The following TNRC18 variants were observed in gnomAD, a reference collection of about 807,000 sequenced individuals.
TNRC18 encodes trinucleotide repeat-containing gene 18 protein.
A neutral mutation model predicts 226.7 loss-of-function variants in TNRC18; 69 were observed. The ratio of observed to expected loss-of-function variants is 0.30; its 90% CI spans 0.25 to 0.37. TNRC18 has a LOEUF of 0.37. TNRC18 is among the 10% of genes least tolerant of loss of function. The pLI is 1.00. For missense variants in TNRC18, 4,754 were observed against 4,256.6 expected (o/e 1.12, Z -3.25); for synonymous variants, 2,449 against 1,927.6 (o/e 1.27, Z -7.09).
At chr7:5,327,275 G>A (rs1374342700) in intron 19 of TNRC18, among the ~76,000 whole-genome samples, 5 of 152,118 alleles carry the variant, frequency 3.3e-5, no homozygotes, top group Non-Finnish European at 7.4e-5. Context: ...AAAGCAGAGA[G>A]CATTAAAAGA....
Position 5,355,850 on chromosome 7 carries a change from C to G in TNRC18, c.5194+1066G>C, listed in dbSNP as rs187915644. On this transcript the variant is annotated intron_variant, in intron 16 of 29. Coordinates refer to ENST00000430969, the MANE Select transcript of TNRC18 (RefSeq NM_001080495.3). ...TTATGATGGCCCCACTGCACTCCAG[C>G]CTAAGCAATAAGAAGAGACCCTGTC... 2.8e-3 allele frequency among the ~76,000 whole-genome samples: 432 copies of G among 152,252 alleles called. 4 individuals carry two copies. The highest frequency in any genetic ancestry group is 9.7e-3 in the African/African-American group (404 of 41,540).
intron 29 of TNRC18, among the ~76,000 whole-genome samples, chr7:5,308,624 A>G (rs919664580): frequency 3.1e-4 from 47 of 151,962 alleles, no homozygotes; most frequent in Admixed American, 1.2e-3. Context: ...ACCCAGAGAG[A>G]GTCAGAGGGC....
chr7:5,401,489 G>A (rs1781088602), intron 2 of TNRC18, among the ~76,000 whole-genome samples: 2 of 152,050 alleles, frequency 1.3e-5, no homozygotes, highest in Non-Finnish European at 2.9e-5. Context: ...AACTTACCCT[G>A]CCACGCCCTT....
chr7:5,326,791 A>G (rs973496834), intron 19 of TNRC18, among the ~76,000 whole-genome samples: 2 of 151,742 alleles, frequency 1.3e-5, no homozygotes, highest in Non-Finnish European at 1.5e-5. Flanking sequence ...TGGGCAAAAA[A>G]GAGCAAAACT....
chr7:5,345,878 C>T (rs1385831577), intron 17 of TNRC18, 68 bp from the exon 18 acceptor site: 3 of 1,487,482 alleles, frequency 2.0e-6, no homozygotes, highest in Non-Finnish European at 2.7e-6. Flanking sequence ...CCACCGCCCC[C>T]TGGCCCAGAG....
Position 5,388,472 on chromosome 7 carries a change from C to T in TNRC18, c.1352G>A (p.Arg451His). The part of the protein sequence containing the change: ...PADAPTVRAT[R>H]ASPDPRAYVP... ...GTAGGCGCGGGGGTCCGGGGAGGCG[C>T]GTGTGGCCCGCACCGTGGGGGCATC... The change falls in exon 5 of 30, where the codon CGC (arginine) becomes CAC (histidine). Residue 451 changes from arginine (R) to histidine (H), a missense_variant. Arg to His is a conservative substitution (Grantham distance 29). Transcript: ENST00000430969. 8 of 1,418,738 alleles carry T rather than the reference C, an allele frequency of 5.6e-6. No homozygotes were observed. The highest frequency in any genetic ancestry group is 7.3e-6 in the Non-Finnish European group (8 of 1,098,158). 87.9% of individuals were successfully genotyped at this position (1,418,738 alleles called of 1,614,324 possible).
chr7:5,383,334 T>C (rs1779529642), intron 5 of TNRC18, among the ~76,000 whole-genome samples: 1 of 152,152 alleles, frequency 6.6e-6, no homozygotes, highest in Non-Finnish European at 1.5e-5. Context: ...CTAGATCCTA[T>C]GTGAGAACAG....
intron 2 of TNRC18, among the ~76,000 whole-genome samples, chr7:5,412,247 A>AG (rs923156613): frequency 9.5e-6 from 1 of 105,242 alleles, no homozygotes; most frequent in African/African-American, 9.2e-5. Context: ...TCCAAATGAA[A>AG]AAAAAAAAAA....
intron 15 of TNRC18, 37 bp from the exon 16 acceptor site, chr7:5,357,313 G>A (rs1792545328): frequency 4.4e-6 from 7 of 1,574,728 alleles, no homozygotes; most frequent in Non-Finnish European, 5.2e-6. Flanking sequence ...TAAAAGATCT[G>A]ACAAAACAGT....
intron 5 of TNRC18, among the ~76,000 whole-genome samples, chr7:5,381,537 T>C (rs2128185811): frequency 6.6e-6 from 1 of 152,244 alleles, no homozygotes; most frequent in Middle Eastern, 3.4e-3. Context: ...TGCTTATTGA[T>C]CATTCACTGT....
chr7:5,324,166 G>A lies in TNRC18; in HGVS notation c.6442+48C>T, dbSNP rs765741772. Reference sequence around the variant, plus strand: ...TTGCTCAGATCTGCCTCCCCCAAGGGAGGCTCCAGCAGCCCCGCCCGGCAC... The same window carrying A: ...TTGCTCAGATCTGCCTCCCCCAAGGAAGGCTCCAGCAGCCCCGCCCGGCAC... On this transcript the variant is annotated intron_variant, in intron 21 of 29. Coordinates refer to ENST00000430969, the MANE Select transcript of TNRC18 (RefSeq NM_001080495.3). The surrounding 1 kb of genome is among the most constrained non-coding windows in gnomAD (Gnocchi z 4.8). 3.9e-6 allele frequency: 6 copies of A among 1,543,736 alleles called. No homozygotes were observed. Among genetic ancestry groups the A allele is most frequent in the East Asian group, 4.8e-5 (2 of 41,388 alleles).
chr7:5,351,161 ACGGTCC>A (rs1322346960), intron 17 of TNRC18, among the ~76,000 whole-genome samples: 1 of 151,970 alleles, frequency 6.6e-6, no homozygotes, highest in Non-Finnish European at 1.5e-5. Context: ...GGCAGGCGGC[ACGGTCC>A]CGTCCCTACT....
chr7:5,325,884 C>G (rs1265484653), intron 19 of TNRC18, among the ~76,000 whole-genome samples: 2 of 151,824 alleles, frequency 1.3e-5, no homozygotes, highest in Non-Finnish European at 2.9e-5. Flanking sequence ...TACAGGTGCA[C>G]ACCACCACAC....
rs1346627877 is a variant in TNRC18, at chr7:5,387,745, G to A, written c.2079C>T (p.Asp693=). Residue 693 remains aspartate (D), a synonymous_variant, in exon 5 of 30, where the codon GAC becomes GAT. Coordinates refer to ENST00000430969, the MANE Select transcript of TNRC18 (RefSeq NM_001080495.3). ...GCCCCAGCCGGCCACTGCCGCCACT[G>A]TCCTTCTGCCGGGCCACAGCCACTG... The part of the protein sequence containing the change: ...GIAVAVARQK[D]SGGSGRLGPG... 5.6e-6 allele frequency: 9 copies of A among 1,607,420 alleles called. No homozygotes were observed. The highest frequency in any genetic ancestry group is 7.6e-6 in the Non-Finnish European group (9 of 1,179,818).
chr7:5,415,110 C>A (rs1185730520), intron 2 of TNRC18, among the ~76,000 whole-genome samples: 2 of 152,184 alleles, frequency 1.3e-5, no homozygotes, highest in Non-Finnish European at 2.9e-5. Flanking sequence ...GACCTCATGA[C>A]TGGCTTTCAG....
chr7:5,316,396 C>T (rs1164824857), intron 24 of TNRC18, among the ~76,000 whole-genome samples: 2 of 150,394 alleles, frequency 1.3e-5, no homozygotes, highest in East Asian at 3.9e-4. Context: ...TCTCCTGCCT[C>T]GGCCTCCCAA....
chr7:5,350,209 C>T (rs1294822355), intron 17 of TNRC18, among the ~76,000 whole-genome samples: 4 of 151,566 alleles, frequency 2.6e-5, no homozygotes, highest in African/African-American at 4.9e-5. Context: ...GGGGAGGCCT[C>T]GGAAAACGAG....
At chr7:5,406,398 G>A (rs1781465106) in intron 2 of TNRC18, among the ~76,000 whole-genome samples, 1 of 152,130 alleles carries the variant, frequency 6.6e-6, no homozygotes, top group South Asian at 2.1e-4. Context: ...AAAGGCGGAG[G>A]TTGCAGTGAG....
In TNRC18 at chr7:5,387,720, GC is replaced by G; in HGVS notation, c.2103del (p.Pro702LeufsTer4). On this transcript the variant is annotated frameshift_variant, in exon 5 of 30. Transcript: ENST00000430969. LOFTEE classifies it high-confidence loss of function. The part of the protein sequence containing the change: ...QKDSGGSGRL[G>X]PGLVDQERSL... Reference sequence around the variant, plus strand: ...GAGCGCTCCTGGTCTACCAGCCCAGGCCCCAGCCGGCCACTGCCGCCACTGT... The same window carrying G: ...GAGCGCTCCTGGTCTACCAGCCCAGGCCCAGCCGGCCACTGCCGCCACTGT... 1.2e-6 allele frequency: 2 copies of G among 1,605,740 alleles called. No individual in the cohort carries two copies.
Sources: allele counts gnomAD v4.1 joint callset (sites outside exome capture counted in the v4.1 genomes callset), GRCh38; gene constraint gnomAD v4.1.1; non-coding constraint Gnocchi (gnomAD v3.1); transcripts MANE v1.5; gene names NCBI Gene and HGNC (gene_info 2026-07-23, HGNC 2026-07-21).